UNC93A: variants seen among roughly 807,000 people sequenced by gnomAD.
UNC93A encodes the protein N-acetylglucosamine transporter UNC93A.
In UNC93A, 43 loss-of-function variants were observed where a neutral mutation model predicts 47.5. The observed-to-expected ratio is 0.91, with a 90% CI of 0.71 to 1.17. The LOEUF is 1.17. UNC93A is among the 50% of genes most tolerant of loss of function. UNC93A has a pLI of 0.00. For synonymous variants in UNC93A, 280 were observed against 258.0 expected, an observed-to-expected ratio of 1.09 and a Z score of -0.82; for missense variants, 605 against 577.6, an observed-to-expected ratio of 1.05 and a Z score of -0.49.
chr6:167,305,191 T>C (rs977169412), intron 5 of UNC93A, among the ~76,000 whole-genome samples: 24 of 152,198 alleles, frequency 1.6e-4, no homozygotes, highest in African/African-American at 5.8e-4. Flanking sequence ...ACCACAAATG[T>C]CTCTCCAGGA....
upstream of UNC93A, among the ~76,000 whole-genome samples, chr6:167,270,654 G>A (rs756769029): frequency 1.1e-4 from 16 of 152,204 alleles, no homozygotes; most frequent in Non-Finnish European, 1.8e-4. Context: ...GGGTCAACTA[G>A]AGCAGGGTGA....
At chr6:167,293,895 G>A (rs1255587663) in intron 1 of UNC93A, among the ~76,000 whole-genome samples, 1 of 152,186 alleles carries the variant, frequency 6.6e-6, no homozygotes, top group Non-Finnish European at 1.5e-5. Context: ...AGGTCTGGAT[G>A]GGGCACCCAG....
In UNC93A at chr6:167,292,420, C is replaced by T. The variant is rs549404576; in HGVS notation, c.87+844C>T. Reference sequence around the variant, plus strand: ...TGTGCATAGTATGGAACCAGAAAAGCACACCTGGGAACTCAGAATCCGAGG... The same window carrying T: ...TGTGCATAGTATGGAACCAGAAAAGTACACCTGGGAACTCAGAATCCGAGG... On this transcript the variant is annotated intron_variant, in intron 1 of 7. Transcript: ENST00000230256. 5.9e-5 allele frequency among the ~76,000 whole-genome samples: 9 copies of T among 152,298 alleles called. No individual in the cohort carries two copies. In the South Asian group the frequency reaches 1.7e-3, roughly 28 times the overall value.
intron 1 of UNC93A, among the ~76,000 whole-genome samples, chr6:167,283,612 A>T (rs1262561139): frequency 6.6e-6 from 1 of 152,136 alleles, no homozygotes; most frequent in Non-Finnish European, 1.5e-5. Flanking sequence ...TCCTACCTCT[A>T]AAACATGCTC....
intron 7 of UNC93A, 124 bp downstream of exon 7, chr6:167,308,034 AG>A: frequency 7.7e-7 from 1 of 1,298,236 alleles, no homozygotes; most frequent in Non-Finnish European, 1.0e-6. Flanking sequence ...GAGAGACGGG[AG>A]GGCCAAGAGG....
rs753044278 is a variant in UNC93A at position 167,291,518 on chromosome 6, T to A, written c.29T>A (p.Val10Glu). 2 of 1,614,038 alleles carry A rather than the reference T, an allele frequency of 1.2e-6. No homozygotes were observed. The highest frequency in any genetic ancestry group is 2.2e-5 in the South Asian group (2 of 91,014). Reference protein sequence around the residue: MDRSLRNVLVVSFGFLLLFT... With the variant: MDRSLRNVLEVSFGFLLLFT... ...GACAGAAGTCTAAGGAACGTCCTTG[T>A]GGTTTCCTTTGGGTTCCTGCTTCTC... The change falls in exon 1 of 8, where the codon GTG becomes GAG. Residue 10 changes from valine to glutamate, a missense_variant. Val to Glu is a moderately radical substitution (Grantham distance 121, BLOSUM62 -2). Coordinates refer to ENST00000230256, the MANE Select transcript of UNC93A (RefSeq NM_018974.4).
intron 1 of UNC93A, among the ~76,000 whole-genome samples, chr6:167,278,480 G>C (rs976726615): frequency 6.6e-6 from 1 of 152,164 alleles, no homozygotes; most frequent in Non-Finnish European, 1.5e-5. Flanking sequence ...GAGGACCCAC[G>C]GCCTGCCCTC....
upstream of UNC93A, among the ~76,000 whole-genome samples, chr6:167,289,772 C>T (rs993272212): frequency 2.9e-4 from 43 of 150,488 alleles, no homozygotes; most frequent in Non-Finnish European, 4.3e-4. Context: ...TCCATGGGAA[C>T]TAATGAGAGG....
rs551240356 is a variant in UNC93A, at chr6:167,305,682, A to C, written c.841-233A>C. Among the ~76,000 whole-genome samples, 4 of 152,244 alleles carry C rather than the reference A, an allele frequency of 2.6e-5. No individual in the cohort carries two copies. In the East Asian group the frequency reaches 7.7e-4, roughly 29 times the overall value. ...AAATAGTGAGAAATACATGAGAAAG[A>C]ATTTTGTCTGCAGTTGTCCAAACTG... is the stretch of plus-strand genomic sequence containing the variant. On this transcript the variant is annotated intron_variant, in intron 5 of 7. Transcript: ENST00000230256.
At chr6:167,270,374 G>T (rs1243491178), upstream of UNC93A, among the ~76,000 whole-genome samples, 1 of 152,060 alleles carries the variant, frequency 6.6e-6, no homozygotes, top group Non-Finnish European at 1.5e-5. Context: ...ATGAGCAGAG[G>T]GTGCAATGCG....
chr6:167,306,924 G>A (rs548129896), intron 6 of UNC93A, among the ~76,000 whole-genome samples: 10 of 152,266 alleles, frequency 6.6e-5, no homozygotes, highest in African/African-American at 2.2e-4. Context: ...CACAGCCTGT[G>A]GAAATTGGGG....
chr6:167,300,640 G>C (rs2115146366), intron 4 of UNC93A, among the ~76,000 whole-genome samples: 1 of 152,292 alleles, frequency 6.6e-6, no homozygotes, highest in Admixed American at 6.5e-5. Flanking sequence ...GCAAGTCTCT[G>C]CTGACTTGGA....
At position 167,296,263 on chromosome 6, in the gene UNC93A, T is replaced by TA. The variant is rs754347631; in HGVS notation, c.499+6dup. The TA allele has an allele frequency of 2.8e-5, 45 of 1,613,918 alleles. 1 individual carries two copies. In the Admixed American group the frequency reaches 7.3e-4, roughly 26 times the overall value. On this transcript the variant is annotated splice_region_variant and intron_variant, in intron 3 of 7. Transcript: ENST00000230256. ...TATTTGGCCAGACTCCCAGCCAAGG[T>TA]AAAAGGAAAAGGGGCAAGCAATTGT...
intron 1 of UNC93A, among the ~76,000 whole-genome samples, chr6:167,275,264 G>A (rs1328202669): frequency 1.3e-5 from 2 of 152,206 alleles, no homozygotes; most frequent in South Asian, 2.1e-4. Context: ...TCCTCCTCTG[G>A]CAGGATGGCC....
Position 167,298,046 on chromosome 6 carries a change from T to C in UNC93A, c.601T>C (p.Tyr201His). The change falls in exon 4 of 8, where the codon TAC becomes CAC. Residue 201 changes from tyrosine (Y) to histidine (H), a missense_variant. Physicochemically the swap from Tyr to His is moderately conservative, Grantham distance 83 (BLOSUM62 2). Transcript: ENST00000230256. ...CCAGAGGCCCTCCCAGCAGCTGGTCTACACCCTCCTGGGCATCTACACTGG... is the reference window on the plus strand; with the variant it reads ...CCAGAGGCCCTCCCAGCAGCTGGTCCACACCCTCCTGGGCATCTACACTGG... ...STQRPSQQLV[Y>H]TLLGIYTGSG... 1 of 1,613,552 alleles carries C rather than the reference T, an allele frequency of 6.2e-7. No individual in the cohort carries two copies. The highest frequency in any genetic ancestry group is 2.2e-5 in the East Asian group (1 of 44,852).
At chr6:167,281,047 C>T (rs1396193638) in intron 1 of UNC93A, among the ~76,000 whole-genome samples, 1 of 152,066 alleles carries the variant, frequency 6.6e-6, no homozygotes, top group Non-Finnish European at 1.5e-5. Flanking sequence ...TCATGATTGC[C>T]CAGAAGGATG....
chr6:167,298,237 A>G (rs1251007197), intron 4 of UNC93A, 167 bp downstream of exon 4: 1 of 1,115,940 alleles, frequency 9.0e-7, no homozygotes, highest in Non-Finnish European at 1.2e-6. Context: ...GTTCTTATGA[A>G]TCAAATGCAG....
At chr6:167,289,087 G>T (rs1783795671), upstream of UNC93A, among the ~76,000 whole-genome samples, 1 of 152,286 alleles carries the variant, frequency 6.6e-6, no homozygotes, top group African/African-American at 2.4e-5. Context: ...GCCAGGCCAT[G>T]GCTCCAGTGC....
At chr6:167,273,771 A>G (rs538211259) in intron 1 of UNC93A, among the ~76,000 whole-genome samples, 174 of 152,172 alleles carry the variant, frequency 1.1e-3, no homozygotes, top group African/African-American at 4.2e-3. Flanking sequence ...GATCACAGGC[A>G]GATTCACAGA....
Sources: gnomAD v4.1 joint callset for allele counts (sites outside exome capture counted in the v4.1 genomes callset) on GRCh38, gnomAD v4.1.1 for gene constraint, MANE v1.5 for transcripts, NCBI Gene and HGNC (gene_info 2026-07-23, HGNC 2026-07-21) for gene names.